IQGAP2: variants seen among roughly 807,000 people sequenced by gnomAD.
IQGAP2 encodes ras GTPase-activating-like protein IQGAP2.
IQGAP2 carries 173 observed loss-of-function variants against 201.3 expected under a neutral mutation model. The observed-to-expected ratio is 0.86, with a 90% CI of 0.76 to 0.98. IQGAP2 has a LOEUF of 0.98. IQGAP2 is among the 50% of genes least tolerant of loss of function. The pLI, the probability that IQGAP2 is intolerant of heterozygous loss-of-function variation, is 0.00. For synonymous variants in IQGAP2, 675 were observed against 673.9 expected (o/e 1.00, Z -0.03); for missense variants, 1,687 against 1,864.8 (o/e 0.90, Z 1.76).
At chr5:76,565,619 G>T (rs1470304484) in intron 3 of IQGAP2, among the ~76,000 whole-genome samples, 1 of 152,212 alleles carries the variant, frequency 6.6e-6, no homozygotes, top group Non-Finnish European at 1.5e-5. Flanking sequence ...AAGTGGGCAG[G>T]CACCGTATGT....
At chr5:76,578,670 A>G (rs1327987745) in intron 5 of IQGAP2, among the ~76,000 whole-genome samples, 1 of 152,140 alleles carries the variant, frequency 6.6e-6, no homozygotes, top group Non-Finnish European at 1.5e-5. Context: ...AAAGTAATGT[A>G]TGCTCATTGT....
rs557664575 is a variant in IQGAP2, at chr5:76,658,811, C to A, written c.2529+144C>A. 2.1e-5 allele frequency: 16 copies of A among 756,846 alleles called. No homozygotes were observed. In the Admixed American group the frequency reaches 2.9e-4, roughly 14 times the overall value. 46.9% of individuals were successfully genotyped at this position (756,846 alleles called of 1,614,324 possible). The stretch of plus-strand genomic sequence containing the variant: ...TGATGCAAACATCATAGAGCACTTA[C>A]CTAAACATAGATGGTGGAGTCTACT... On this transcript the variant is annotated intron_variant, in intron 21 of 35. Transcript: ENST00000274364.
In IQGAP2 at chr5:76,631,954, G is replaced by A. The variant is rs893428345; in HGVS notation, c.1708G>A (p.Asp570Asn). Reference protein sequence around the residue: ...VLKSSTSNANDIIPECADKYY... With the variant: ...VLKSSTSNANNIIPECADKYY... Reference sequence around the variant, plus strand: ...GAAGTCTTCCACTTCTAATGCAAATGACATAATCCCGGAGTGTGCTGACAA... The same window carrying A: ...GAAGTCTTCCACTTCTAATGCAAATAACATAATCCCGGAGTGTGCTGACAA... The change falls in exon 15 of 36, where the codon GAC (aspartate) becomes AAC (asparagine). Residue 570 changes from aspartate (D) to asparagine (N), a missense_variant. Physicochemically the swap from Asp to Asn is conservative, Grantham distance 23. Transcript: ENST00000274364. 6.2e-6 allele frequency: 10 copies of A among 1,612,740 alleles called. No individual in the cohort carries two copies. Among genetic ancestry groups the A allele is most frequent in the Non-Finnish European group, 8.5e-6 (10 of 1,179,172 alleles).
At chr5:76,565,068 C>T (rs1237269814) in intron 3 of IQGAP2, among the ~76,000 whole-genome samples, 2 of 152,162 alleles carry the variant, frequency 1.3e-5, no homozygotes, top group African/African-American at 4.8e-5. Flanking sequence ...CTTATTTTAG[C>T]GCCTTTTCAT....
intron 25 of IQGAP2, 64 bp downstream of exon 25, chr5:76,673,653 A>G (rs1744552364): frequency 2.6e-6 from 4 of 1,546,670 alleles, no homozygotes; most frequent in Admixed American, 3.5e-5. Context: ...ACGATGTAAA[A>G]TAAGCCCCTG....
At chr5:76,409,544 G>T (rs570370798) in intron 1 of IQGAP2, among the ~76,000 whole-genome samples, 10 of 152,152 alleles carry the variant, frequency 6.6e-5, no homozygotes, top group Admixed American at 3.3e-4. Flanking sequence ...ACCATGCCCA[G>T]CCTTACATGG....
intron 21 of IQGAP2, among the ~76,000 whole-genome samples, chr5:76,663,432 G>A (rs1743446150): frequency 1.3e-5 from 2 of 151,900 alleles, no homozygotes; most frequent in Admixed American, 1.3e-4. Context: ...GTGAACTAAT[G>A]TTAAGTGGCA....
chr5:76,511,975 A>T (rs4544808), intron 2 of IQGAP2, among the ~76,000 whole-genome samples: 1 of 151,852 alleles, frequency 6.6e-6, no homozygotes, highest in Non-Finnish European at 1.5e-5. Flanking sequence ...CCACCGCGCC[A>T]GGCCTTAAAT....
chr5:76,475,248 T>C (rs1755348146), intron 2 of IQGAP2, among the ~76,000 whole-genome samples: 1 of 151,932 alleles, frequency 6.6e-6, no homozygotes, highest in Non-Finnish European at 1.5e-5. Flanking sequence ...TCAGCCAGGG[T>C]TGGATAGAAA....
In IQGAP2 at chr5:76,628,381, T is replaced by C. The variant is rs143957764; in HGVS notation, c.1612+881T>C. Among the ~76,000 whole-genome samples, 93 of 152,322 alleles carry C rather than the reference T, an allele frequency of 6.1e-4. 1 individual carries two copies. In the Middle Eastern group the frequency reaches 0.02, roughly 33 times the overall value. ...TCTCACAGTGGGTCCCTAAACTCTT[T>C]CTGTGGTTACTTCCCCACTTCTGGA... On this transcript the variant is annotated intron_variant, in intron 14 of 35. Coordinates refer to ENST00000274364, the MANE Select transcript of IQGAP2 (RefSeq NM_006633.5).
At chr5:76,526,897 A>G (rs987529699) in intron 2 of IQGAP2, among the ~76,000 whole-genome samples, 2 of 152,252 alleles carry the variant, frequency 1.3e-5, no homozygotes, top group African/African-American at 4.8e-5. Context: ...ACATGTACCT[A>G]TAGGCCATAA....
intron 1 of IQGAP2, among the ~76,000 whole-genome samples, chr5:76,456,892 G>A (rs12513870): frequency 0.019 from 2,880 of 152,228 alleles, 131 homozygotes; most frequent in Admixed American, 0.11. Flanking sequence ...CAAGGCCAGC[G>A]TGGGTAACAT....
chr5:76,707,334 G>A lies in IQGAP2; in HGVS notation c.*21G>A. On this transcript the variant is annotated 3_prime_UTR_variant, in exon 36 of 36. Transcript: ENST00000274364. ...AGTGAAGTGCCTACAGAAATTTCTT[G>A]GATTCTGTATCATCTGGATTAGGAA... 1 of 1,041,550 alleles carries A rather than the reference G, an allele frequency of 9.6e-7. No individual in the cohort carries two copies. The highest frequency in any genetic ancestry group is 1.5e-6 in the Non-Finnish European group (1 of 662,092). 64.5% of individuals were successfully genotyped at this position (1,041,550 alleles called of 1,614,324 possible). A position where few individuals can be genotyped will look rare whatever the true frequency, so the allele number is the denominator to read the frequency against.
chr5:76,458,726 C>A (rs915549745), intron 1 of IQGAP2, among the ~76,000 whole-genome samples: 1 of 152,098 alleles, frequency 6.6e-6, no homozygotes, highest in Non-Finnish European at 1.5e-5. Context: ...ATAGAACCTA[C>A]GAATTGAACA....
At chr5:76,411,333 ATTACT>A (rs1434412024) in intron 1 of IQGAP2, among the ~76,000 whole-genome samples, 2 of 152,206 alleles carry the variant, frequency 1.3e-5, no homozygotes, top group African/African-American at 4.8e-5. Context: ...CCAGGCCTTG[ATTACT>A]TTACAGGTTC....
chr5:76,666,363 A>G (rs1561569300), intron 22 of IQGAP2, among the ~76,000 whole-genome samples: 1 of 152,234 alleles, frequency 6.6e-6, no homozygotes, highest in Non-Finnish European at 1.5e-5. Context: ...TTGAAATTTA[A>G]TCTTAGGCAC....
At chr5:76,694,483 C>T (rs1031425435) in intron 31 of IQGAP2, among the ~76,000 whole-genome samples, 2 of 152,140 alleles carry the variant, frequency 1.3e-5, no homozygotes, top group African/African-American at 4.8e-5. Context: ...TCTGCACCTC[C>T]TAGGTGTGTA....
At chr5:76,589,040 G>A (rs369998062) in intron 6 of IQGAP2, 67 bp downstream of exon 6, 269 of 1,117,560 alleles carry the variant, frequency 2.4e-4, no homozygotes, top group Non-Finnish European at 3.2e-4. Flanking sequence ...CTGGCCGGGC[G>A]TGGTGGCTCA....
At chr5:76,428,446 T>C (rs994205585) in intron 1 of IQGAP2, among the ~76,000 whole-genome samples, 1 of 150,524 alleles carries the variant, frequency 6.6e-6, no homozygotes, top group African/African-American at 2.4e-5. Context: ...TCTTTTTTTT[T>C]TTTTTTTTGA....
Sources: gnomAD v4.1 joint callset for allele counts (sites outside exome capture counted in the v4.1 genomes callset) on GRCh38, gnomAD v4.1.1 for gene constraint, MANE v1.5 for transcripts, NCBI Gene and HGNC (gene_info 2026-07-23, HGNC 2026-07-21) for gene names.